The following CACNA1D variants were observed in gnomAD, a reference collection of about 807,000 sequenced individuals.
CACNA1D encodes the protein voltage-dependent L-type calcium channel subunit alpha-1D.
A neutral mutation model predicts 257.1 loss-of-function variants in CACNA1D; 55 were observed. The observed-to-expected ratio is 0.21, with a 90% CI of 0.17 to 0.27. The LOEUF (loss-of-function observed/expected upper bound fraction) is 0.27, where lower values mean the gene tolerates loss of function less well. Among genes scored for constraint, CACNA1D ranks in the 10% least tolerant of loss-of-function variants. CACNA1D has a pLI of 1.00. For missense variants in CACNA1D, 1,876 were observed against 2,784.0 expected (o/e 0.67, Z 7.34); for synonymous variants, 980 against 1,014.9 (o/e 0.97, Z 0.65).
At chr3:53,596,082 A>C (rs1287065463) in intron 3 of CACNA1D, among the ~76,000 whole-genome samples, 7 of 152,144 alleles carry the variant, frequency 4.6e-5, no homozygotes, top group African/African-American at 1.7e-4. Flanking sequence ...TAAGATTGGG[A>C]TCCATGGGGC....
Position 53,669,008 on chromosome 3 carries a change from A to C in CACNA1D, c.1116+2473A>C, listed in dbSNP as rs1184602882. On this transcript the variant is annotated intron_variant, in intron 7 of 47. Transcript: ENST00000350061. The stretch of plus-strand genomic sequence containing the variant: ...CATGCTGTGGGACCCCCTGGCCTAG[A>C]CTAGAACCCAGCACTCTTTCCTTGG... Among the ~76,000 whole-genome samples the C allele has an allele frequency of 9.2e-5, 14 of 152,290 alleles. No individual in the cohort carries two copies. In the South Asian group the frequency reaches 2.7e-3, roughly 29 times the overall value.
intron 9 of CACNA1D, among the ~76,000 whole-genome samples, chr3:53,707,794 T>TA (rs112419673): frequency 2.1e-3 from 305 of 147,032 alleles, no homozygotes; most frequent in Middle Eastern, 0.011. Flanking sequence ...TGATTAGTCT[T>TA]AAAAAAAAAA....
chr3:53,733,722 G>A (rs922272631), intron 19 of CACNA1D, among the ~76,000 whole-genome samples: 7 of 152,176 alleles, frequency 4.6e-5, no homozygotes, highest in African/African-American at 1.7e-4. Context: ...AATTGCAGAA[G>A]TAGTTCTTGG....
At chr3:53,697,398 A>T (rs1277076254) in intron 8 of CACNA1D, among the ~76,000 whole-genome samples, 1 of 152,190 alleles carries the variant, frequency 6.6e-6, no homozygotes, top group African/African-American at 2.4e-5. Flanking sequence ...GCCAAGGGGA[A>T]ATAGAGACAT....
intron 3 of CACNA1D, among the ~76,000 whole-genome samples, 168 bp downstream of exon 3, chr3:53,501,888 A>G (rs552203575): frequency 5.9e-5 from 9 of 152,254 alleles, no homozygotes; most frequent in Admixed American, 2.0e-4. Flanking sequence ...TTTAACCTGT[A>G]TTCTCAAATT....
intron 3 of CACNA1D, among the ~76,000 whole-genome samples, chr3:53,536,202 C>CT (rs2092110626): frequency 1.3e-5 from 2 of 152,098 alleles, no homozygotes; most frequent in African/African-American, 4.8e-5. Context: ...TTTGAATTTC[C>CT]TTTTTTCTTT....
At chr3:53,704,204 G>A (rs114003304) in intron 9 of CACNA1D, among the ~76,000 whole-genome samples, 1,567 of 152,250 alleles carry the variant, frequency 0.01, 32 homozygotes, top group African/African-American at 0.036. Flanking sequence ...CCCTGGTGGA[G>A]AGGCTTCTTG....
intron 3 of CACNA1D, among the ~76,000 whole-genome samples, chr3:53,581,656 A>G (rs1046294290): frequency 1.3e-5 from 2 of 152,336 alleles, no homozygotes; most frequent in South Asian, 4.1e-4. Context: ...CTGAGTTATA[A>G]TCTAATGTTC....
intron 3 of CACNA1D, among the ~76,000 whole-genome samples, chr3:53,647,229 G>A (rs2094031592): frequency 6.6e-6 from 1 of 152,200 alleles, no homozygotes; most frequent in Non-Finnish European, 1.5e-5. Context: ...CTCCTGCCAG[G>A]GAGAAGAAAT....
In CACNA1D at chr3:53,673,263, T is replaced by C; in HGVS notation, c.1220+137T>C. 2 of 634,114 alleles carry C rather than the reference T, an allele frequency of 3.2e-6. No individual in the cohort carries two copies. Among genetic ancestry groups the C allele is most frequent in the Middle Eastern group, 2.5e-4 (1 of 3,934 alleles). The allele number at this position is 634,114 out of a possible 1,614,324, so 39.3% of individuals were successfully genotyped here. On this transcript the variant is annotated intron_variant, in intron 8 of 47. Transcript: ENST00000350061. The surrounding 1 kb of genome is among the most constrained non-coding windows in gnomAD (Gnocchi z 4.1). ...TCCTCTGAGATGCTTTCTTTTCTGC[T>C]GAGGCTTCCCAAATCAAGCTGTTTC...
intron 7 of CACNA1D, among the ~76,000 whole-genome samples, chr3:53,668,899 C>G (rs940279483): frequency 1.3e-5 from 2 of 152,092 alleles, no homozygotes; most frequent in East Asian, 1.9e-4. Flanking sequence ...ATTTTTTCCC[C>G]CACCAACTAT....
intron 3 of CACNA1D, among the ~76,000 whole-genome samples, chr3:53,548,475 T>C (rs2092462362): frequency 6.6e-6 from 1 of 151,892 alleles, no homozygotes. Context: ...AACCCGACAT[T>C]CTCTCCATCA....
intron 3 of CACNA1D, among the ~76,000 whole-genome samples, chr3:53,536,013 G>A (rs9865394): frequency 0.1 from 15,317 of 152,110 alleles, 2,166 homozygotes; most frequent in African/African-American, 0.31. Flanking sequence ...TGGATATGAC[G>A]GCTGAAGGCC....
intron 3 of CACNA1D, among the ~76,000 whole-genome samples, chr3:53,554,909 G>A (rs1040720002): frequency 2.0e-5 from 3 of 152,076 alleles, no homozygotes; most frequent in African/African-American, 4.8e-5. Flanking sequence ...TGGCAGCCAG[G>A]GAGATAGTAA....
intron 40 of CACNA1D, among the ~76,000 whole-genome samples, chr3:53,790,099 T>C (rs1238450374): frequency 6.6e-6 from 1 of 152,216 alleles, no homozygotes; most frequent in East Asian, 1.9e-4. Flanking sequence ...CCTTTTTTAA[T>C]TTCCTCTTGC....
intron 3 of CACNA1D, among the ~76,000 whole-genome samples, chr3:53,528,333 G>A (rs569988533): frequency 2.6e-5 from 4 of 152,092 alleles, no homozygotes; most frequent in Non-Finnish European, 4.4e-5. Flanking sequence ...GAAAATCAAT[G>A]GATCACATAA....
intron 3 of CACNA1D, among the ~76,000 whole-genome samples, chr3:53,543,830 C>G (rs2107538271): frequency 6.6e-6 from 1 of 152,222 alleles, no homozygotes; most frequent in African/African-American, 2.4e-5. Context: ...CAGATCTGAA[C>G]TTTTTCTTGT....
chr3:53,713,273 C>G (rs905138815), intron 9 of CACNA1D, among the ~76,000 whole-genome samples: 2 of 152,194 alleles, frequency 1.3e-5, no homozygotes, highest in Non-Finnish European at 2.9e-5. Flanking sequence ...TACTGTCCTA[C>G]AACTCATCTT....
chr3:53,593,345 CTGAGTTTCT>C (rs1337070260), intron 3 of CACNA1D, among the ~76,000 whole-genome samples: 2 of 152,286 alleles, frequency 1.3e-5, no homozygotes, highest in East Asian at 3.9e-4. Flanking sequence ...TGTCTTGTTT[CTGAGTTTCT>C]TGAGTTTCTT....
Sources: allele counts gnomAD v4.1 joint callset (sites outside exome capture counted in the v4.1 genomes callset), GRCh38; gene constraint gnomAD v4.1.1; non-coding constraint Gnocchi (gnomAD v3.1); transcripts MANE v1.5; gene names NCBI Gene and HGNC (gene_info 2026-07-23, HGNC 2026-07-21).